The following ITIH5 variants were observed in gnomAD, a reference collection of about 807,000 sequenced individuals.
The protein encoded by ITIH5 is inter-alpha-trypsin inhibitor heavy chain 5, also known as inter-alpha-trypsin inhibitor heavy chain H5.
Under a neutral mutation model 77.5 loss-of-function variants are expected in ITIH5, and 65 were observed. That is an observed-to-expected ratio of 0.84 (90% CI 0.69 to 1.03). The LOEUF (loss-of-function observed/expected upper bound fraction) is 1.03, where lower values mean the gene tolerates loss of function less well. ITIH5 is among the 50% of genes least tolerant of loss of function. ITIH5 has a pLI of 0.00. For missense variants in ITIH5, 1,208 were observed against 1,213.1 expected (o/e 1.00, Z 0.06); for synonymous variants, 525 against 494.3 (o/e 1.06, Z -0.82).
intron 10 of ITIH5, among the ~76,000 whole-genome samples, chr10:7,576,077 A>G (rs1196533567): frequency 6.6e-6 from 1 of 152,044 alleles, no homozygotes; most frequent in African/African-American, 2.4e-5. Flanking sequence ...CAGGTTGGAG[A>G]GCAATGGTAC....
chr10:7,588,764 T>C (rs1588378736), intron 7 of ITIH5, among the ~76,000 whole-genome samples: 1 of 152,384 alleles, frequency 6.6e-6, no homozygotes, highest in Admixed American at 6.5e-5. Flanking sequence ...GGGAGCTTCC[T>C]ACTCCCTAGG....
chr10:7,601,706 C>T (rs1460004300), intron 7 of ITIH5, among the ~76,000 whole-genome samples: 1 of 152,116 alleles, frequency 6.6e-6, no homozygotes, highest in Admixed American at 6.5e-5. Flanking sequence ...GACGGCCATC[C>T]CTGAGCAGCA....
At chr10:7,567,493 C>A (rs1832213255) in intron 12 of ITIH5, among the ~76,000 whole-genome samples, 1 of 146,622 alleles carries the variant, frequency 6.8e-6, no homozygotes, top group African/African-American at 2.5e-5. Flanking sequence ...CCCCCCTACC[C>A]TGACCCCACG....
chr10:7,566,127 G>C lies in ITIH5; in HGVS notation c.2430C>G (p.Ile810Met). 1 of 1,614,092 alleles carries C rather than the reference G, an allele frequency of 6.2e-7. No homozygotes were observed. Among genetic ancestry groups the C allele is most frequent in the Non-Finnish European group, 8.5e-7 (1 of 1,180,026 alleles). Residue 810 changes from isoleucine to methionine, a missense_variant, in exon 13 of 14, where the codon ATC (isoleucine) becomes ATG (methionine). Ile to Met is a conservative substitution (Grantham distance 10). Coordinates refer to ENST00000397146, the MANE Select transcript of ITIH5 (RefSeq NM_030569.7). ...AGGGCGCCGGCTTTTTGTAGAGGTG[G>C]ATGAGGATGACAAAGGCTATGGAGC... ...IQGSIAFVIL[I>M]HLYKKPAPFQ...
At chr10:7,588,963 C>G (rs553429640) in intron 7 of ITIH5, among the ~76,000 whole-genome samples, 9 of 152,350 alleles carry the variant, frequency 5.9e-5, no homozygotes, top group African/African-American at 2.2e-4. Flanking sequence ...AGGGACAGCA[C>G]GTGCACCAAC....
At chr10:7,601,232 G>T (rs1833009192) in intron 7 of ITIH5, among the ~76,000 whole-genome samples, 1 of 152,172 alleles carries the variant, frequency 6.6e-6, no homozygotes, top group South Asian at 2.1e-4. Context: ...GGAGATTTCA[G>T]AGAATCAAAG....
Position 7,576,535 on chromosome 10 carries a change from G to T in ITIH5, c.1896C>A (p.Gly632=). 2 of 1,613,040 alleles carry T rather than the reference G, an allele frequency of 1.2e-6. No individual in the cohort carries two copies. Among genetic ancestry groups the T allele is most frequent in the Non-Finnish European group, 1.7e-6 (2 of 1,179,996 alleles). The stretch of plus-strand genomic sequence containing the variant: ...CCGACATGCCGTGGGCCTCCTCCAG[G>T]CCATCCATGCGTGGGACCGGCCCCC... The part of the protein sequence containing the change: ...KLRGPVPRMD[G]LEEAHGMSAA... Residue 632 remains glycine (G), a synonymous_variant, in exon 10 of 14, where the codon GGC becomes GGA. Transcript: ENST00000397146.
At chr10:7,658,161 C>G (rs1834218277) in intron 1 of ITIH5, among the ~76,000 whole-genome samples, 1 of 152,196 alleles carries the variant, frequency 6.6e-6, no homozygotes, top group Admixed American at 6.5e-5. Context: ...AAGTGCTAAT[C>G]AATGGCTGTT....
intron 7 of ITIH5, among the ~76,000 whole-genome samples, chr10:7,608,962 G>T (rs1342496439): frequency 5.3e-5 from 8 of 152,138 alleles, no homozygotes; most frequent in Non-Finnish European, 1.2e-4. Context: ...ACGTTACTTG[G>T]TGACAAAAAC....
At chr10:7,597,463 A>T (rs1254136338) in intron 7 of ITIH5, among the ~76,000 whole-genome samples, 1 of 152,212 alleles carries the variant, frequency 6.6e-6, no homozygotes, top group African/African-American at 2.4e-5. Context: ...CACAGTGAGG[A>T]GAATGGAAAT....
At position 7,561,051 on chromosome 10, in the gene ITIH5, A is replaced by T. The variant is rs2130929631; in HGVS notation, c.*2032T>A. ...AGGTACTGACCCCATTTGAAAAAAA[A>T]AAAAAAGATCTACACGTAAAGAAGA... On this transcript the variant is annotated 3_prime_UTR_variant, in exon 14 of 14. Coordinates refer to ENST00000397146, the MANE Select transcript of ITIH5 (RefSeq NM_030569.7). 6.9e-6 allele frequency: 1 copy of T among 145,662 alleles called. No homozygotes were observed. The highest frequency in any genetic ancestry group is 2.2e-4 in the South Asian group (1 of 4,544). The allele number at this position is 145,662 out of a possible 1,614,324, so 9.0% of individuals were successfully genotyped here.
intron 1 of ITIH5, among the ~76,000 whole-genome samples, chr10:7,666,361 A>C (rs1475452845): frequency 6.6e-6 from 1 of 152,068 alleles, no homozygotes; most frequent in Non-Finnish European, 1.5e-5. Context: ...CCCGGTTTTC[A>C]GGTGGGAAAA....
At chr10:7,583,770 AGC>A (rs1351159432) in intron 8 of ITIH5, among the ~76,000 whole-genome samples, 1 of 152,128 alleles carries the variant, frequency 6.6e-6, no homozygotes, top group African/African-American at 2.4e-5. Flanking sequence ...AGCCAAGGAG[AGC>A]ACAGGCAGAG....
chr10:7,640,459 G>A (rs1326069334), intron 4 of ITIH5, among the ~76,000 whole-genome samples: 1 of 142,318 alleles, frequency 7.0e-6, no homozygotes, highest in African/African-American at 2.6e-5. Flanking sequence ...CCTGGGCAAA[G>A]AGTGAGACCT....
chr10:7,630,146 T>C (rs953026188), intron 5 of ITIH5, among the ~76,000 whole-genome samples: 1 of 152,268 alleles, frequency 6.6e-6, no homozygotes, highest in African/African-American at 2.4e-5. Context: ...TTACTCTTTC[T>C]AGTCCTTGCT....
intron 2 of ITIH5, among the ~76,000 whole-genome samples, chr10:7,644,349 CAT>C (rs1166609883): frequency 1.1e-4 from 16 of 145,814 alleles, no homozygotes; most frequent in African/African-American, 3.5e-4. Context: ...ACATATATCA[CAT>C]ATATATCATA....
At chr10:7,638,970 G>T (rs114630964) in intron 4 of ITIH5, among the ~76,000 whole-genome samples, 2 of 152,050 alleles carry the variant, frequency 1.3e-5, no homozygotes, top group Admixed American at 6.5e-5. Context: ...TATGTGTCTC[G>T]CTAGATGTTA....
intron 1 of ITIH5, among the ~76,000 whole-genome samples, chr10:7,659,910 G>C (rs563597194): frequency 6.6e-6 from 1 of 152,240 alleles, no homozygotes; most frequent in South Asian, 2.1e-4. Flanking sequence ...TTGTTTGAGT[G>C]TTTTCCCGGT....
intron 5 of ITIH5, chr10:7,620,137 G>T (rs1833450300): frequency 6.6e-6 from 1 of 151,662 alleles, no homozygotes; most frequent in Admixed American, 6.6e-5. Flanking sequence ...AGTGCCATTG[G>T]ACTCCAGCCT....
Sources: allele counts gnomAD v4.1 joint callset (sites outside exome capture counted in the v4.1 genomes callset), GRCh38; gene constraint gnomAD v4.1.1; transcripts MANE v1.5; gene names NCBI Gene and HGNC (gene_info 2026-07-23, HGNC 2026-07-21).